CLPTM1: variants seen among roughly 807,000 people sequenced by gnomAD.
CLPTM1 encodes the protein putative lipid scramblase CLPTM1.
A neutral mutation model predicts 77.3 loss-of-function variants in CLPTM1; 21 were observed. The observed-to-expected ratio is 0.27, with a 90% CI of 0.19 to 0.39. The LOEUF (loss-of-function observed/expected upper bound fraction) is 0.39, where lower values mean the gene tolerates loss of function less well. CLPTM1 is among the 10% of genes least tolerant of loss of function. The probability of loss-of-function intolerance (pLI) is 1.00; values close to 1 mark genes in which losing one functional copy is unlikely to be tolerated. For synonymous variants in CLPTM1, 373 were observed against 381.0 expected, an observed-to-expected ratio of 0.98 and a Z score of 0.24; for missense variants, 642 against 921.2, an observed-to-expected ratio of 0.70 and a Z score of 3.92.
At chr19:44,956,432 G>A (rs1032539639) in intron 1 of CLPTM1, among the ~76,000 whole-genome samples, 1 of 152,190 alleles carries the variant, frequency 6.6e-6, no homozygotes, top group Non-Finnish European at 1.5e-5. Context: ...GAATGATTAG[G>A]TTGGTGACAA....
chr19:44,989,681 C>A (rs1971038303), intron 9 of CLPTM1, among the ~76,000 whole-genome samples: 1 of 152,178 alleles, frequency 6.6e-6, no homozygotes, highest in Non-Finnish European at 1.5e-5. Flanking sequence ...GGACTGCAGA[C>A]CTGGCTCCAC....
At chr19:44,980,994 C>T (rs951349781) in intron 5 of CLPTM1, among the ~76,000 whole-genome samples, 3 of 151,800 alleles carry the variant, frequency 2.0e-5, no homozygotes, top group Non-Finnish European at 2.9e-5. Context: ...CCCGCCACCA[C>T]GCCCGGCTAA....
At chr19:44,955,583 G>C in intron 1 of CLPTM1, 116 bp downstream of exon 1, 1 of 964,576 alleles carries the variant, frequency 1.0e-6, no homozygotes, top group Non-Finnish European at 1.3e-6. Flanking sequence ...TGGCCAGAGG[G>C]ACCTTGAATA....
chr19:44,991,461 A>G lies in CLPTM1; in HGVS notation c.1555+88A>G. 1 of 1,516,906 alleles carries G rather than the reference A, an allele frequency of 6.6e-7. No individual in the cohort carries two copies. Among genetic ancestry groups the G allele is most frequent in the Non-Finnish European group, 9.0e-7 (1 of 1,116,674 alleles). The allele number at this position is 1,516,906 out of a possible 1,614,324, so 94.0% of individuals were successfully genotyped here. A position where few individuals can be genotyped will look rare whatever the true frequency, so the allele number is the denominator to read the frequency against. The stretch of plus-strand genomic sequence containing the variant: ...GTGTAGGAGACAGACCCATCCCCAG[A>G]CAGGGACAACCTAGGGTGGGCAGAG... On this transcript the variant is annotated intron_variant, in intron 12 of 13. Coordinates refer to ENST00000337392, the MANE Select transcript of CLPTM1 (RefSeq NM_001294.4). The surrounding 1 kb of genome is among the most constrained non-coding windows in gnomAD (Gnocchi z 5.4).
At chr19:44,955,255 T>C (rs555534715), upstream of CLPTM1, 11 of 1,482,822 alleles carry the variant, frequency 7.4e-6, no homozygotes, top group Admixed American at 1.8e-4. Context: ...GAAGTGGCCT[T>C]CCTGAGAGGC....
chr19:44,988,511 G>C (rs1274756830), intron 9 of CLPTM1, among the ~76,000 whole-genome samples: 2 of 152,210 alleles, frequency 1.3e-5, no homozygotes, highest in African/African-American at 4.8e-5. Context: ...GCTGCCTGCT[G>C]CGGGAGGCCG....
At position 44,992,957 on chromosome 19, in the gene CLPTM1, C is replaced by T. The variant is rs966176073; in HGVS notation, c.*60C>T. 2 of 1,549,534 alleles carry T rather than the reference C, an allele frequency of 1.3e-6. No homozygotes were observed. The highest frequency in any genetic ancestry group is 1.8e-6 in the Non-Finnish European group (2 of 1,142,770). The stretch of plus-strand genomic sequence containing the variant: ...GACCACTACCCCTGCGTCCCGGCCC[C>T]CTCGCCTCCCCTCCCTGTCGCCCTT... On this transcript the variant is annotated 3_prime_UTR_variant, in exon 14 of 14. Coordinates refer to ENST00000337392, the MANE Select transcript of CLPTM1 (RefSeq NM_001294.4). The surrounding 1 kb of genome is among the most constrained non-coding windows in gnomAD (Gnocchi z 7.7).
At position 44,972,513 on chromosome 19, in the gene CLPTM1, T is replaced by C. The variant is rs542387475; in HGVS notation, c.186-574T>C. ...ATCCGCCCGCCTTGGCCTCCCAAAG[T>C]GCTGGGATTACAGGCATGAGCCGCC... On this transcript the variant is annotated intron_variant, in intron 2 of 13. Coordinates refer to ENST00000337392, the MANE Select transcript of CLPTM1 (RefSeq NM_001294.4). Among the ~76,000 whole-genome samples, 1,390 of 152,292 alleles carry C rather than the reference T, an allele frequency of 9.1e-3. 5 individuals carry two copies. Among genetic ancestry groups the C allele is most frequent in the Non-Finnish European group, 0.013 (892 of 68,018 alleles).
rs572977340 is a variant in CLPTM1 at position 44,988,377 on chromosome 19, G to A, written c.1132+204G>A. On this transcript the variant is annotated intron_variant, in intron 9 of 13. Coordinates refer to ENST00000337392, the MANE Select transcript of CLPTM1 (RefSeq NM_001294.4). ...ATTCCCACCCACCGGGTGTGGAGCT[G>A]AGGGAGGGGCTGGCCCGCTGGTGGG... Among the ~76,000 whole-genome samples the A allele has an allele frequency of 3.9e-3, 588 of 152,332 alleles. 5 individuals carry two copies. Among genetic ancestry groups the A allele is most frequent in the African/African-American group, 0.014 (563 of 41,582 alleles).
chr19:44,974,289 T>C (rs1334654988), intron 3 of CLPTM1, 150 bp from the exon 4 acceptor site: 2 of 655,260 alleles, frequency 3.1e-6, no homozygotes, highest in Non-Finnish European at 4.9e-6. Flanking sequence ...AGAGAAAATA[T>C]GTCCTCTCTG....
chr19:44,976,685 G>A (rs555572017), intron 4 of CLPTM1, among the ~76,000 whole-genome samples: 2 of 152,254 alleles, frequency 1.3e-5, no homozygotes, highest in East Asian at 3.9e-4. Flanking sequence ...TGGGAGGCAA[G>A]GAGACTTGAT....
At position 44,974,466 on chromosome 19, in the gene CLPTM1, G is replaced by C; in HGVS notation, c.337G>C (p.Glu113Gln). 1 of 1,613,974 alleles carries C rather than the reference G, an allele frequency of 6.2e-7. No individual in the cohort carries two copies. Among genetic ancestry groups the C allele is most frequent in the Non-Finnish European group, 8.5e-7 (1 of 1,179,886 alleles). The change falls in exon 4 of 14, where the codon GAG becomes CAG. Residue 113 changes from glutamate (E) to glutamine (Q), a missense_variant. By Grantham distance (29) the Glu-to-Gln change is conservative. Coordinates refer to ENST00000337392, the MANE Select transcript of CLPTM1 (RefSeq NM_001294.4). ...CCTGCATGTGTACATCTCAGAGCAC[G>C]AGCACTTTACAGACTTCAACGCCAC... is the stretch of plus-strand genomic sequence containing the variant. The part of the protein sequence containing the change: ...MNLHVYISEH[E>Q]HFTDFNATSA...
At chr19:44,960,726 G>T (rs1022619698) in intron 1 of CLPTM1, among the ~76,000 whole-genome samples, 2 of 152,222 alleles carry the variant, frequency 1.3e-5, no homozygotes, top group African/African-American at 4.8e-5. Flanking sequence ...CCAGACACTG[G>T]AGCCTCAGAG....
intron 1 of CLPTM1, 134 bp downstream of exon 1, chr19:44,955,601 C>T: frequency 1.1e-6 from 1 of 926,186 alleles, no homozygotes; most frequent in Non-Finnish European, 1.4e-6. Flanking sequence ...ATACCCGGCC[C>T]AGGCAGGGCC....
intron 4 of CLPTM1, 26 bp downstream of exon 4, chr19:44,974,623 C>A (rs1428631133): frequency 6.3e-7 from 1 of 1,597,380 alleles, no homozygotes; most frequent in Admixed American, 1.7e-5. Flanking sequence ...GGTTTCTGGC[C>A]CCATGGCTGC....
chr19:44,986,718 C>T (rs944795350), intron 7 of CLPTM1, 143 bp downstream of exon 7: 3 of 1,084,136 alleles, frequency 2.8e-6, no homozygotes, highest in Non-Finnish European at 3.9e-6. Context: ...GTCCTATCCC[C>T]TTCCCATGTC....
chr19:44,979,914 C>T (rs970725411), intron 5 of CLPTM1, among the ~76,000 whole-genome samples: 1 of 152,188 alleles, frequency 6.6e-6, no homozygotes, highest in African/African-American at 2.4e-5. Context: ...GGTGGCTCTT[C>T]ACCCTATTCT....
chr19:44,969,385 A>G (rs566172656), intron 2 of CLPTM1, among the ~76,000 whole-genome samples: 1 of 152,260 alleles, frequency 6.6e-6, no homozygotes, highest in East Asian at 1.9e-4. Flanking sequence ...CTGTATGGTT[A>G]TCATACCTAT....
Position 44,986,436 on chromosome 19 carries a change from T to TC in CLPTM1, c.673-13dup, listed in dbSNP as rs767091696. 4.3e-6 allele frequency: 7 copies of TC among 1,612,318 alleles called. No homozygotes were observed. Among genetic ancestry groups the TC allele is most frequent in the African/African-American group, 2.7e-5 (2 of 74,854 alleles). On this transcript the variant is annotated intron_variant, in intron 6 of 13. Coordinates refer to ENST00000337392, the MANE Select transcript of CLPTM1 (RefSeq NM_001294.4). ...CACTTCCACCTGCCTCTGAGGTCCT[T>TC]CCCCCCATGTTGCCTCAGAGGGCTG...
Sources: gnomAD v4.1 joint callset for allele counts (sites outside exome capture counted in the v4.1 genomes callset) on GRCh38, gnomAD v4.1.1 for gene constraint, Gnocchi (gnomAD v3.1) non-coding constraint, MANE v1.5 for transcripts, NCBI Gene and HGNC (gene_info 2026-07-23, HGNC 2026-07-21) for gene names.